PLEKHA8: variants seen among roughly 807,000 people sequenced by gnomAD.
PLEKHA8 encodes pleckstrin homology domain-containing family A member 8.
Under a neutral mutation model 68.2 loss-of-function variants are expected in PLEKHA8, and 36 were observed. The observed-to-expected ratio is 0.53, with a 90% CI of 0.40 to 0.70. The LOEUF (loss-of-function observed/expected upper bound fraction) is 0.70, where lower values mean the gene tolerates loss of function less well. Ranked by LOEUF, PLEKHA8 falls within the 30% of genes least tolerant of loss-of-function variation. The pLI, the probability that PLEKHA8 is intolerant of heterozygous loss-of-function variation, is 0.00. For synonymous variants in PLEKHA8, 211 were observed against 216.1 expected (o/e 0.98, Z 0.20); for missense variants, 505 against 615.4 (o/e 0.82, Z 1.90).
chr7:30,120,914 A>G (rs1796685613), intron 13 of PLEKHA8, among the ~76,000 whole-genome samples: 1 of 152,232 alleles, frequency 6.6e-6, no homozygotes, highest in Non-Finnish European at 1.5e-5. Flanking sequence ...ATGCTAAAAC[A>G]AAAAGGACAG....
At chr7:30,070,494 A>T (rs770802931) in intron 12 of PLEKHA8, among the ~76,000 whole-genome samples, 9 of 150,844 alleles carry the variant, frequency 6.0e-5, no homozygotes, top group African/African-American at 1.9e-4. Context: ...TTGAATGGCA[A>T]TGTATAGGAA....
At chr7:30,035,770 A>G (rs1216429130) in intron 1 of PLEKHA8, among the ~76,000 whole-genome samples, 1 of 151,746 alleles carries the variant, frequency 6.6e-6, no homozygotes, top group Non-Finnish European at 1.5e-5. Flanking sequence ...CAGCCTCCCA[A>G]GTAGCTGGGA....
In PLEKHA8 at chr7:30,081,879, T is replaced by G. The variant is rs1247479703; in HGVS notation, c.*3092T>G. The G allele has an allele frequency of 1.0e-6, 1 of 984,726 alleles. No individual in the cohort carries two copies. The highest frequency in any genetic ancestry group is 1.7e-5 in the African/African-American group (1 of 57,246). 61.0% of individuals were successfully genotyped at this position (984,726 alleles called of 1,614,324 possible). A position where few individuals can be genotyped will look rare whatever the true frequency, so the allele number is the denominator to read the frequency against. Reference sequence around the variant, plus strand: ...TAGGGATCAGGGTGTATTTGTTGAATTAAACAAAATATTTTCAATGATGGC... The same window carrying G: ...TAGGGATCAGGGTGTATTTGTTGAAGTAAACAAAATATTTTCAATGATGGC... On this transcript the variant is annotated 3_prime_UTR_variant, in exon 14 of 14. Transcript: ENST00000449726.
intron 1 of PLEKHA8, among the ~76,000 whole-genome samples, chr7:30,029,851 C>G (rs374601934): frequency 5.3e-5 from 8 of 152,120 alleles, no homozygotes; most frequent in Admixed American, 5.2e-4. Flanking sequence ...TACATAGTAA[C>G]TTCGAGGAGG....
chr7:30,078,952 G>A lies in PLEKHA8; in HGVS notation c.*165G>A. The A allele has an allele frequency of 7.0e-7, 1 of 1,420,860 alleles. No homozygotes were observed. The highest frequency in any genetic ancestry group is 1.6e-5 in the South Asian group (1 of 63,354). The allele number at this position is 1,420,860 out of a possible 1,614,324, so 88.0% of individuals were successfully genotyped here. A position where few individuals can be genotyped will look rare whatever the true frequency, so the allele number is the denominator to read the frequency against. On this transcript the variant is annotated 3_prime_UTR_variant, in exon 14 of 14. Coordinates refer to ENST00000449726, the MANE Select transcript of PLEKHA8 (RefSeq NM_001197026.2). Reference sequence around the variant, plus strand: ...CTTTTATAATTTTTAAAATGCATATGTGTTTTGTTTAAAGATCAAGGTGCT... The same window carrying A: ...CTTTTATAATTTTTAAAATGCATATATGTTTTGTTTAAAGATCAAGGTGCT...
intron 13 of PLEKHA8, among the ~76,000 whole-genome samples, chr7:30,127,666 A>G (rs1796797947): frequency 6.6e-6 from 1 of 152,230 alleles, no homozygotes; most frequent in African/African-American, 2.4e-5. Flanking sequence ...TTCTGATTCT[A>G]TAAATGATGT....
chr7:30,108,035 C>G (rs1262197095), intron 13 of PLEKHA8, among the ~76,000 whole-genome samples: 1 of 128,172 alleles, frequency 7.8e-6, no homozygotes. Context: ...CGCTATTGCA[C>G]TCCAGCCTGG....
chr7:30,125,031 TTAACA>T (rs1484283318), intron 13 of PLEKHA8, among the ~76,000 whole-genome samples: 1 of 152,150 alleles, frequency 6.6e-6, no homozygotes, highest in Non-Finnish European at 1.5e-5. Flanking sequence ...AACATAAAAT[TTAACA>T]TTTTCCCTAT....
chr7:30,035,217 C>T (rs1391133208), intron 1 of PLEKHA8, among the ~76,000 whole-genome samples: 21 of 152,142 alleles, frequency 1.4e-4, no homozygotes, highest in Admixed American at 1.4e-3. Context: ...ATACCTTGAG[C>T]AAGTTACTTA....
intron 6 of PLEKHA8, 48 bp from the exon 7 acceptor site, chr7:30,052,655 AAAAAAG>A: frequency 1.4e-6 from 2 of 1,436,824 alleles, no homozygotes; most frequent in Non-Finnish European, 9.2e-7. Context: ...AAAAAAAAAA[AAAAAAG>A]ACCAAATAAC....
rs1244857537 is a variant in PLEKHA8, at chr7:30,083,482, G to C, written c.*4695G>C. On this transcript the variant is annotated 3_prime_UTR_variant, in exon 14 of 14. Transcript: ENST00000449726. The stretch of plus-strand genomic sequence containing the variant: ...CCCATCCTGTCTCAGACAGTCAATA[G>C]TCCTGTGTACAGTGACTATTTGCAT... The C allele has an allele frequency of 2.0e-6, 2 of 985,098 alleles. No individual in the cohort carries two copies. The highest frequency in any genetic ancestry group is 3.5e-5 in the African/African-American group (2 of 57,190). 61.0% of individuals were successfully genotyped at this position (985,098 alleles called of 1,614,324 possible).
Position 30,083,218 on chromosome 7 carries a change from G to A in PLEKHA8, c.*4431G>A, listed in dbSNP as rs530729213. Reference sequence around the variant, plus strand: ...AAACTTCATTATGTATGGTAAATTTGTATTCTTATGGATTGTATATAGAAT... The same window carrying A: ...AAACTTCATTATGTATGGTAAATTTATATTCTTATGGATTGTATATAGAAT... On this transcript the variant is annotated 3_prime_UTR_variant, in exon 14 of 14. Transcript: ENST00000449726. The A allele has an allele frequency of 2.0e-5, 20 of 983,152 alleles. No homozygotes were observed. In the African/African-American group the frequency reaches 3.3e-4, roughly 16 times the overall value. 60.9% of individuals were successfully genotyped at this position (983,152 alleles called of 1,614,324 possible).
chr7:30,094,336 G>A (rs1403036933), downstream of PLEKHA8, among the ~76,000 whole-genome samples: 3 of 149,744 alleles, frequency 2.0e-5, no homozygotes, highest in Admixed American at 6.7e-5. Flanking sequence ...GTGTAGTGGC[G>A]CAATCTCGGC....
chr7:30,061,146 G>C (rs1366547135), intron 10 of PLEKHA8, among the ~76,000 whole-genome samples: 1 of 152,164 alleles, frequency 6.6e-6, no homozygotes, highest in Non-Finnish European at 1.5e-5. Context: ...GCTTTATGGG[G>C]AGTAGAAGAT....
At position 30,080,006 on chromosome 7, in the gene PLEKHA8, T is replaced by C; in HGVS notation, c.*1219T>C. 1 of 985,262 alleles carries C rather than the reference T, an allele frequency of 1.0e-6. No individual in the cohort carries two copies. The highest frequency in any genetic ancestry group is 1.2e-6 in the Non-Finnish European group (1 of 829,890). The allele number at this position is 985,262 out of a possible 1,614,324, so 61.0% of individuals were successfully genotyped here. A position where few individuals can be genotyped will look rare whatever the true frequency, so the allele number is the denominator to read the frequency against. Reference sequence around the variant, plus strand: ...AGCAGCATTCTTAATTGAGCCAGCATTGACACCCAGCCAGCAGGCCTTTGC... The same window carrying C: ...AGCAGCATTCTTAATTGAGCCAGCACTGACACCCAGCCAGCAGGCCTTTGC... On this transcript the variant is annotated 3_prime_UTR_variant, in exon 14 of 14. Transcript: ENST00000449726.
In PLEKHA8 at chr7:30,065,902, C is replaced by G. The variant is rs114426098; in HGVS notation, c.1300+3160C>G. Among the ~76,000 whole-genome samples the G allele has an allele frequency of 2.7e-3, 418 of 152,304 alleles. 2 individuals are homozygous for G. The highest frequency in any genetic ancestry group is 9.6e-3 in the African/African-American group (399 of 41,566). On this transcript the variant is annotated intron_variant, in intron 12 of 13. Transcript: ENST00000449726. ...GCAGCATCTTTATCACCTGAAAACT[C>G]ATTAGAAATGCAGACTATCCGGTTC...
intron 1 of PLEKHA8, among the ~76,000 whole-genome samples, chr7:30,042,974 A>T (rs189934356): frequency 1.1e-4 from 17 of 152,094 alleles, no homozygotes; most frequent in African/African-American, 4.1e-4. Context: ...GTTTTTGTAG[A>T]ACTTGAAGCC....
chr7:30,055,945 CTTT>C (rs530852500), intron 9 of PLEKHA8, among the ~76,000 whole-genome samples: 4 of 136,232 alleles, frequency 2.9e-5, no homozygotes, highest in Non-Finnish European at 3.1e-5. Context: ...AACATATTTT[CTTT>C]TTTTTTTTTT....
chr7:30,068,802 A>G (rs577451275), intron 12 of PLEKHA8, among the ~76,000 whole-genome samples: 1 of 152,182 alleles, frequency 6.6e-6, no homozygotes, highest in East Asian at 1.9e-4. Context: ...CTCTCCCTTG[A>G]GGTCACAGAG....
Sources: gnomAD v4.1 joint callset for allele counts (sites outside exome capture counted in the v4.1 genomes callset) on GRCh38, gnomAD v4.1.1 for gene constraint, MANE v1.5 for transcripts, NCBI Gene and HGNC (gene_info 2026-07-23, HGNC 2026-07-21) for gene names.